The following MSRB3 variants were observed in gnomAD, a reference collection of about 807,000 sequenced individuals.
MSRB3 encodes the protein methionine sulfoxide reductase B3.
Under a neutral mutation model 21.0 loss-of-function variants are expected in MSRB3, and 13 were observed. The ratio of observed to expected loss-of-function variants is 0.62; its 90% CI spans 0.40 to 0.98. The LOEUF is 0.98. MSRB3 is among the 50% of genes least tolerant of loss of function. The pLI is 0.00. For missense variants in MSRB3, 199 were observed against 230.3 expected, an observed-to-expected ratio of 0.86 and a Z score of 0.88; for synonymous variants, 87 against 88.6, an observed-to-expected ratio of 0.98 and a Z score of 0.10.
intron 5 of MSRB3, among the ~76,000 whole-genome samples, chr12:65,391,131 A>G (rs1879460194): frequency 6.6e-6 from 1 of 152,204 alleles, no homozygotes; most frequent in Non-Finnish European, 1.5e-5. Flanking sequence ...GAACATGTTG[A>G]CCTGCACAAA....
intron 5 of MSRB3, among the ~76,000 whole-genome samples, chr12:65,420,757 A>T (rs890703390): frequency 6.6e-6 from 1 of 152,188 alleles, no homozygotes; most frequent in Admixed American, 6.5e-5. Flanking sequence ...TGTGCTAAGG[A>T]TAATGGCCTC....
At chr12:65,406,854 C>T (rs1027708683) in intron 5 of MSRB3, among the ~76,000 whole-genome samples, 1 of 152,144 alleles carries the variant, frequency 6.6e-6, no homozygotes, top group Non-Finnish European at 1.5e-5. Flanking sequence ...CTAGCTAGGT[C>T]CATTTTGCCT....
chr12:65,353,860 G>A lies in MSRB3; in HGVS notation c.264-15138G>A, dbSNP rs368272518. Among the ~76,000 whole-genome samples the A allele has an allele frequency of 3.0e-4, 46 of 151,968 alleles. 1 individual carries two copies. In the East Asian group the frequency reaches 8.2e-3, roughly 27 times the overall value. The stretch of plus-strand genomic sequence containing the variant: ...ATTTGGCATGTTTTTGCAGCGGCTG[G>A]TACTGGTTGTTCCTTTTCATGTTTA... On this transcript the variant is annotated intron_variant, in intron 4 of 6. Coordinates refer to ENST00000308259, the MANE Select transcript of MSRB3 (RefSeq NM_001031679.3).
chr12:65,281,683 C>G (rs1340055666), intron 1 of MSRB3: 1 of 152,118 alleles, frequency 6.6e-6, no homozygotes, highest in African/African-American at 2.4e-5. Flanking sequence ...TAAGCCCAGG[C>G]CTTAAGACAG....
chr12:65,439,286 TAAG>T lies in MSRB3; in HGVS notation c.293-14439_293-14437del, dbSNP rs978909271. Among the ~76,000 whole-genome samples, 160 of 151,738 alleles carry T rather than the reference TAAG, an allele frequency of 1.1e-3. 1 individual carries two copies. The highest frequency in any genetic ancestry group is 3.5e-3 in the African/African-American group (145 of 41,472). Reference sequence around the variant, plus strand: ...TTAACATAAATAATAAATATATGAATAAGAATCTTAGAAATGAAAGAAAACTTG... The same window carrying T: ...TTAACATAAATAATAAATATATGAATAATCTTAGAAATGAAAGAAAACTTG... On this transcript the variant is annotated intron_variant, in intron 5 of 6. Coordinates refer to ENST00000308259, the MANE Select transcript of MSRB3 (RefSeq NM_001031679.3).
At chr12:65,380,115 C>T (rs1285105813) in intron 5 of MSRB3, among the ~76,000 whole-genome samples, 1 of 152,056 alleles carries the variant, frequency 6.6e-6, no homozygotes, top group African/African-American at 2.4e-5. Flanking sequence ...TTGATTGGGG[C>T]AGTTGCACGG....
intron 2 of MSRB3, among the ~76,000 whole-genome samples, chr12:65,314,261 C>T (rs1286872897): frequency 6.6e-6 from 1 of 151,886 alleles, no homozygotes. Context: ...TTCAGCAGAC[C>T]ACCCAAGAAT....
chr12:65,367,505 GACATTTGA>G (rs1878078730), intron 4 of MSRB3, among the ~76,000 whole-genome samples: 1 of 152,248 alleles, frequency 6.6e-6, no homozygotes, highest in Non-Finnish European at 1.5e-5. Flanking sequence ...TCTCTTAACA[GACATTTGA>G]ACACAAACTC....
At chr12:65,403,707 G>A (rs185170055) in intron 5 of MSRB3, among the ~76,000 whole-genome samples, 103 of 152,288 alleles carry the variant, frequency 6.8e-4, no homozygotes, top group African/African-American at 2.4e-3. Flanking sequence ...ACCCAGTTTT[G>A]TGCTTGAATC....
chr12:65,438,489 C>A (rs868450724), intron 5 of MSRB3, among the ~76,000 whole-genome samples: 3 of 151,748 alleles, frequency 2.0e-5, no homozygotes, highest in African/African-American at 7.3e-5. Context: ...AAGGTAAAGC[C>A]TAGCAAGATG....
At chr12:65,421,604 A>G (rs1439077632) in intron 5 of MSRB3, among the ~76,000 whole-genome samples, 3 of 152,172 alleles carry the variant, frequency 2.0e-5, no homozygotes, top group Non-Finnish European at 4.4e-5. Flanking sequence ...TGGGTTTTAC[A>G]CTTAATTTTA....
At chr12:65,451,565 A>G (rs973175787) in intron 5 of MSRB3, among the ~76,000 whole-genome samples, 4 of 152,122 alleles carry the variant, frequency 2.6e-5, no homozygotes, top group African/African-American at 9.7e-5. Context: ...TTGGCAAGTA[A>G]CTTATCCTTC....
intron 1 of MSRB3, chr12:65,284,012 C>G (rs1382190253): frequency 6.6e-6 from 1 of 152,114 alleles, no homozygotes; most frequent in African/African-American, 2.4e-5. Flanking sequence ...GCAACTCATA[C>G]AGAAGGAAAT....
chr12:65,285,922 T>TAGGG (rs1489174015), intron 1 of MSRB3: 2 of 152,200 alleles, frequency 1.3e-5, no homozygotes, highest in Non-Finnish European at 2.9e-5. Context: ...AAATAGTATA[T>TAGGG]TATTCATAAC....
At chr12:65,300,835 C>T (rs530196826) in intron 1 of MSRB3, among the ~76,000 whole-genome samples, 14 of 152,244 alleles carry the variant, frequency 9.2e-5, no homozygotes, top group African/African-American at 3.4e-4. Flanking sequence ...GGAGAGAAAG[C>T]CCTGGAGGGT....
At chr12:65,374,913 G>T (rs747085289) in intron 5 of MSRB3, among the ~76,000 whole-genome samples, 3 of 151,848 alleles carry the variant, frequency 2.0e-5, no homozygotes, top group Non-Finnish European at 2.9e-5. Flanking sequence ...GCAGTGGCGC[G>T]ATCTCGGCTC....
intron 1 of MSRB3, among the ~76,000 whole-genome samples, chr12:65,293,504 G>C (rs1191488511): frequency 6.6e-6 from 1 of 152,038 alleles, no homozygotes; most frequent in East Asian, 1.9e-4. Context: ...TCTTACCTCA[G>C]GGCTACTGCT....
At chr12:65,444,264 C>A (rs1882513746) in intron 5 of MSRB3, among the ~76,000 whole-genome samples, 1 of 152,036 alleles carries the variant, frequency 6.6e-6, no homozygotes, top group Admixed American at 6.6e-5. Context: ...TGTCAAAAAG[C>A]AAAACAGATT....
At chr12:65,403,582 C>T (rs1047111862) in intron 5 of MSRB3, among the ~76,000 whole-genome samples, 1 of 152,158 alleles carries the variant, frequency 6.6e-6, no homozygotes, top group Non-Finnish European at 1.5e-5. Flanking sequence ...CACTTGGCTT[C>T]CTGGCTTCAG....
Sources: allele counts gnomAD v4.1 joint callset (sites outside exome capture counted in the v4.1 genomes callset), GRCh38; gene constraint gnomAD v4.1.1; transcripts MANE v1.5; gene names NCBI Gene and HGNC (gene_info 2026-07-23, HGNC 2026-07-21).